C10orf90: variants seen among roughly 807,000 people sequenced by gnomAD.
C10orf90 encodes chromosome 10 open reading frame 90, also known as (E2-independent) E3 ubiquitin-conjugating enzyme FATS.
C10orf90 carries 56 observed loss-of-function variants against 62.5 expected under a neutral mutation model. The ratio of observed to expected loss-of-function variants is 0.90; its 90% CI spans 0.72 to 1.12. The LOEUF (loss-of-function observed/expected upper bound fraction) is 1.12. C10orf90 is among the 50% of genes most tolerant of loss of function. C10orf90 has a pLI of 0.00. For missense variants in C10orf90, 970 were observed against 880.4 expected (o/e 1.10, Z -1.29); for synonymous variants, 386 against 340.4 (o/e 1.13, Z -1.47).
chr10:126,661,823 T>A (rs4962351), intron 1 of C10orf90, among the ~76,000 whole-genome samples: 2 of 152,180 alleles, frequency 1.3e-5, no homozygotes, highest in Admixed American at 6.5e-5. Flanking sequence ...AAAAATCATC[T>A]ATTTCTTGCC....
At chr10:126,451,379 G>A (rs922438294) in intron 7 of C10orf90, among the ~76,000 whole-genome samples, 6 of 152,154 alleles carry the variant, frequency 3.9e-5, no homozygotes, top group East Asian at 1.9e-4. Flanking sequence ...GCACTCCTGT[G>A]TTCGTTGCGG....
intron 2 of C10orf90, among the ~76,000 whole-genome samples, chr10:126,554,000 T>C (rs1272258303): frequency 6.6e-6 from 1 of 152,094 alleles, no homozygotes; most frequent in Non-Finnish European, 1.5e-5. Flanking sequence ...GATGTAGCCA[T>C]TCTACTTCTA....
chr10:126,450,391 C>T (rs148517356), intron 7 of C10orf90, among the ~76,000 whole-genome samples: 143 of 152,206 alleles, frequency 9.4e-4, no homozygotes, highest in African/African-American at 3.0e-3. Context: ...ATAGCCCAAG[C>T]GATTGAGAGC....
At chr10:126,583,926 G>A (rs1255098586) in intron 2 of C10orf90, among the ~76,000 whole-genome samples, 1 of 152,040 alleles carries the variant, frequency 6.6e-6, no homozygotes, top group African/African-American at 2.4e-5. Context: ...GACTAGCCTT[G>A]GTGATGTAGA....
chr10:126,456,379 T>A lies in C10orf90; in HGVS notation c.2188+2661A>T, dbSNP rs1859579563. Among the ~76,000 whole-genome samples the A allele has an allele frequency of 6.6e-6, 1 of 152,142 alleles. No individual in the cohort carries two copies. Among genetic ancestry groups the A allele is most frequent in the South Asian group, 2.1e-4 (1 of 4,830 alleles). On this transcript the variant is annotated intron_variant, in intron 7 of 9. Transcript: ENST00000488181. This position sits in a 1 kb window ranked among gnomAD's most constrained non-coding sequence, Gnocchi z 4.9. ...AAAACCCACGTTGGCCAAGTCCCAC[T>A]TTGAGAGCATGCTGCTTGCCAGGAC...
At chr10:126,649,026 CTGT>C (rs1846228129) in intron 1 of C10orf90, among the ~76,000 whole-genome samples, 1 of 66,400 alleles carries the variant, frequency 1.5e-5, no homozygotes, top group Non-Finnish European at 3.2e-5. Flanking sequence ...CTCTCTCTCT[CTGT>C]CTCTGTCTCT....
intron 2 of C10orf90, among the ~76,000 whole-genome samples, chr10:126,539,917 G>A (rs191261423): frequency 3.9e-5 from 6 of 152,288 alleles, no homozygotes; most frequent in East Asian, 3.9e-4. Context: ...AAAGAGGCAC[G>A]AAGCTGGAAT....
intron 2 of C10orf90, among the ~76,000 whole-genome samples, chr10:126,517,525 C>T (rs1397625858): frequency 6.6e-6 from 1 of 152,122 alleles, no homozygotes; most frequent in Non-Finnish European, 1.5e-5. Flanking sequence ...GCCCCATACC[C>T]CAGCTATTGG....
intron 7 of C10orf90, among the ~76,000 whole-genome samples, chr10:126,445,520 G>A (rs924232179): frequency 6.6e-6 from 1 of 152,060 alleles, no homozygotes; most frequent in Non-Finnish European, 1.5e-5. Context: ...AACAGTAGAT[G>A]TTGGCGTGGA....
In C10orf90 at chr10:126,456,330, G is replaced by A. The variant is rs573979933; in HGVS notation, c.2188+2710C>T. Among the ~76,000 whole-genome samples, 10 of 152,094 alleles carry A rather than the reference G, an allele frequency of 6.6e-5. No individual in the cohort carries two copies. The South Asian group carries it at 1.7e-3, about 25-fold the overall frequency. On this transcript the variant is annotated intron_variant, in intron 7 of 9. Transcript: ENST00000488181. This position sits in a 1 kb window ranked among gnomAD's most constrained non-coding sequence, Gnocchi z 4.9. The stretch of plus-strand genomic sequence containing the variant: ...AAAGCTCTCATCGACACATAAATAC[G>A]GCAGGGATGGTCAGGGTGGCCATAA...
At chr10:126,653,679 C>T (rs371594780) in intron 1 of C10orf90, among the ~76,000 whole-genome samples, 14 of 152,164 alleles carry the variant, frequency 9.2e-5, no homozygotes, top group African/African-American at 1.2e-4. Context: ...CCTCCTTTCA[C>T]GGATCATGAA....
rs142579286 is a variant in C10orf90, at chr10:126,564,759, G to A, written c.314-50820C>T. 5.0e-3 allele frequency among the ~76,000 whole-genome samples: 641 copies of A among 129,318 alleles called. 2 individuals carry two copies. The highest frequency in any genetic ancestry group is 7.4e-3 in the Non-Finnish European group (472 of 63,730). The allele number at this position is 129,318 out of a possible 152,430, so 84.8% of individuals were successfully genotyped here. Reference sequence around the variant, plus strand: ...CACTCATCCCCACCCTCCTGAAGGCGTCCAATTAAAGACTGAAATGAAGAC... The same window carrying A: ...CACTCATCCCCACCCTCCTGAAGGCATCCAATTAAAGACTGAAATGAAGAC... On this transcript the variant is annotated intron_variant, in intron 2 of 9. Coordinates refer to ENST00000488181, the MANE Select transcript of C10orf90 (RefSeq NM_001350921.2).
intron 2 of C10orf90, among the ~76,000 whole-genome samples, chr10:126,621,415 G>A (rs191896851): frequency 6.6e-6 from 1 of 151,938 alleles, no homozygotes; most frequent in Non-Finnish European, 1.5e-5. Flanking sequence ...CTTTTTATTC[G>A]AACTTGTGAC....
intron 2 of C10orf90, among the ~76,000 whole-genome samples, chr10:126,548,809 G>A (rs564457096): frequency 6.7e-6 from 1 of 150,094 alleles, no homozygotes; most frequent in African/African-American, 2.5e-5. Context: ...GTGTGGTGCT[G>A]GCAGAGGGAC....
intron 1 of C10orf90, among the ~76,000 whole-genome samples, chr10:126,656,383 T>C (rs1244648716): frequency 6.6e-6 from 1 of 152,154 alleles, no homozygotes; most frequent in Non-Finnish European, 1.5e-5. Flanking sequence ...AAGAAGGTAC[T>C]CTTAGTAACT....
At chr10:126,517,576 G>T (rs755466872) in intron 2 of C10orf90, among the ~76,000 whole-genome samples, 1 of 152,076 alleles carries the variant, frequency 6.6e-6, no homozygotes, top group Non-Finnish European at 1.5e-5. Context: ...CTCTGAGAAT[G>T]ACCCTCCACG....
At chr10:126,467,431 C>A (rs910486153) in intron 4 of C10orf90, among the ~76,000 whole-genome samples, 1 of 152,188 alleles carries the variant, frequency 6.6e-6, no homozygotes, top group Non-Finnish European at 1.5e-5. Flanking sequence ...ACTCCACGTG[C>A]GAGTGGGACC....
intron 7 of C10orf90, among the ~76,000 whole-genome samples, chr10:126,457,058 G>A (rs1859632335): frequency 6.6e-6 from 1 of 152,184 alleles, no homozygotes; most frequent in African/African-American, 2.4e-5. Flanking sequence ...TGTGATCATG[G>A]CTCACTGCAG....
At chr10:126,490,438 T>C (rs1007288322) in intron 4 of C10orf90, among the ~76,000 whole-genome samples, 1 of 151,638 alleles carries the variant, frequency 6.6e-6, no homozygotes, top group East Asian at 1.9e-4. Context: ...TAGTGTTTAA[T>C]GGGGAGTTAG....
Sources: allele counts gnomAD v4.1 joint callset (sites outside exome capture counted in the v4.1 genomes callset), GRCh38; gene constraint gnomAD v4.1.1; non-coding constraint Gnocchi (gnomAD v3.1); transcripts MANE v1.5; gene names NCBI Gene and HGNC (gene_info 2026-07-23, HGNC 2026-07-21).